Variants in NRG3 observed in about 807,000 individuals in gnomAD.
The protein encoded by NRG3 is neuregulin 3.
In NRG3, 31 loss-of-function variants were observed where a neutral mutation model predicts 66.9. The observed-to-expected ratio is 0.46, with a 90% CI of 0.35 to 0.63. The LOEUF (loss-of-function observed/expected upper bound fraction) is 0.63. Among genes scored for constraint, NRG3 ranks in the 20% least tolerant of loss-of-function variants. The pLI is 0.00. For missense variants in NRG3, 910 were observed against 878.9 expected (o/e 1.04, Z -0.45); for synonymous variants, 393 against 359.4 (o/e 1.09, Z -1.06).
chr10:82,438,399 C>T (rs1471478077), intron 2 of NRG3, among the ~76,000 whole-genome samples: 1 of 152,252 alleles, frequency 6.6e-6, no homozygotes, highest in Non-Finnish European at 1.5e-5. Flanking sequence ...GCCTTTCTGG[C>T]TCCAGCAGGT....
intron 1 of NRG3, among the ~76,000 whole-genome samples, chr10:81,957,139 C>G (rs1223564796): frequency 6.6e-6 from 1 of 152,088 alleles, no homozygotes; most frequent in Non-Finnish European, 1.5e-5. Context: ...CTCCATAGCC[C>G]TAGGTGATGG....
intron 4 of NRG3, among the ~76,000 whole-genome samples, chr10:82,935,647 C>T (rs534630133): frequency 1.3e-4 from 20 of 152,072 alleles, no homozygotes; most frequent in South Asian, 4.2e-4. Flanking sequence ...AACGGAGTCT[C>T]GCTCTGTCAC....
At chr10:82,063,789 T>C (rs2064296162) in intron 1 of NRG3, among the ~76,000 whole-genome samples, 1 of 152,176 alleles carries the variant, frequency 6.6e-6, no homozygotes, top group Non-Finnish European at 1.5e-5. Context: ...AGAAAAATGA[T>C]GTATTCAAAG....
At chr10:82,859,276 A>C (rs538048847) in intron 3 of NRG3, 1 of 152,284 alleles carries the variant, frequency 6.6e-6, no homozygotes, top group Non-Finnish European at 1.5e-5. Context: ...ACACAGATCA[A>C]TATTTTCCTG....
At chr10:82,895,335 T>G (rs1461647261) in intron 4 of NRG3, among the ~76,000 whole-genome samples, 1 of 152,090 alleles carries the variant, frequency 6.6e-6, no homozygotes, top group African/African-American at 2.4e-5. Flanking sequence ...GTCAAATGGG[T>G]TGAAGAGTTG....
At chr10:82,811,784 C>T (rs2061501756) in intron 3 of NRG3, among the ~76,000 whole-genome samples, 1 of 152,210 alleles carries the variant, frequency 6.6e-6, no homozygotes, top group African/African-American at 2.4e-5. Flanking sequence ...TCCTTCCCTG[C>T]CATGGAGCTG....
At chr10:82,672,714 G>A (rs578254814) in intron 2 of NRG3, among the ~76,000 whole-genome samples, 5 of 152,322 alleles carry the variant, frequency 3.3e-5, no homozygotes, top group Admixed American at 3.3e-4. Context: ...TGTGGAGTTT[G>A]CATGTTCCCC....
chr10:82,981,077 T>G (rs1430433893), intron 8 of NRG3, among the ~76,000 whole-genome samples: 1 of 152,190 alleles, frequency 6.6e-6, no homozygotes, highest in Non-Finnish European at 1.5e-5. Flanking sequence ...TGGGCACTGT[T>G]ATGACCATCT....
At chr10:82,261,082 A>T (rs1309542816) in intron 1 of NRG3, among the ~76,000 whole-genome samples, 1 of 152,062 alleles carries the variant, frequency 6.6e-6, no homozygotes, top group African/African-American at 2.4e-5. Flanking sequence ...CTAGAGACTG[A>T]TATGGTTTGG....
chr10:82,892,982 T>G (rs1013797181), intron 4 of NRG3, among the ~76,000 whole-genome samples: 2 of 152,060 alleles, frequency 1.3e-5, no homozygotes, highest in African/African-American at 4.8e-5. Flanking sequence ...ATGAAATTGA[T>G]AGAATAAAAA....
intron 1 of NRG3, among the ~76,000 whole-genome samples, chr10:82,324,367 G>T (rs1026939454): frequency 4.6e-5 from 7 of 151,918 alleles, no homozygotes; most frequent in Admixed American, 4.6e-4. Flanking sequence ...AAAGGATCAA[G>T]TTTTTATTTC....
chr10:82,259,720 G>T (rs1483606945), intron 1 of NRG3, among the ~76,000 whole-genome samples: 1 of 152,120 alleles, frequency 6.6e-6, no homozygotes, highest in Non-Finnish European at 1.5e-5. Context: ...ATCAGCCCCG[G>T]AGTTTGAGAC....
chr10:82,609,680 A>G (rs2048190287), intron 2 of NRG3, among the ~76,000 whole-genome samples: 1 of 152,138 alleles, frequency 6.6e-6, no homozygotes, highest in Non-Finnish European at 1.5e-5. Flanking sequence ...TAGAATTTTC[A>G]TGATTGTACC....
At chr10:82,432,570 T>G (rs1287453598) in intron 2 of NRG3, among the ~76,000 whole-genome samples, 2 of 150,506 alleles carry the variant, frequency 1.3e-5, no homozygotes, top group Non-Finnish European at 3.0e-5. Flanking sequence ...TGTGCCATGG[T>G]GGTTTGCTGC....
chr10:82,728,135 G>A (rs1034344422), intron 2 of NRG3, among the ~76,000 whole-genome samples: 5 of 152,150 alleles, frequency 3.3e-5, no homozygotes, highest in African/African-American at 1.2e-4. Context: ...TCTCAGATGA[G>A]ACGTTGGACT....
At chr10:81,961,395 T>A (rs1001341722) in intron 1 of NRG3, among the ~76,000 whole-genome samples, 2 of 152,138 alleles carry the variant, frequency 1.3e-5, no homozygotes, top group Admixed American at 6.6e-5. Context: ...GACAGGGAGA[T>A]CTTCTAAATC....
chr10:82,043,449 T>G (rs1473420137), intron 1 of NRG3, among the ~76,000 whole-genome samples: 4 of 152,082 alleles, frequency 2.6e-5, no homozygotes, highest in Non-Finnish European at 1.5e-5. Context: ...AGTCATTATT[T>G]AGTGATAAAT....
intron 3 of NRG3, among the ~76,000 whole-genome samples, chr10:82,778,603 AC>A (rs1299370955): frequency 1.3e-5 from 2 of 152,290 alleles, no homozygotes; most frequent in East Asian, 3.9e-4. Context: ...CATGAGGATT[AC>A]AATTCAAGAT....
At chr10:82,246,081 A>T (rs2077231371) in intron 1 of NRG3, among the ~76,000 whole-genome samples, 1 of 150,246 alleles carries the variant, frequency 6.7e-6, no homozygotes, top group Non-Finnish European at 1.5e-5. Flanking sequence ...AGAGGATAAG[A>T]TCTTGTGATA....
Sources: gnomAD v4.1 joint callset for allele counts (sites outside exome capture counted in the v4.1 genomes callset) on GRCh38, gnomAD v4.1.1 for gene constraint, MANE v1.5 for transcripts, NCBI Gene and HGNC (gene_info 2026-07-23, HGNC 2026-07-21) for gene names.